FGF2: variants seen among roughly 807,000 people sequenced by gnomAD.
The protein encoded by FGF2 is basic fibroblast growth factor bFGF.
A neutral mutation model predicts 15.9 loss-of-function variants in FGF2; 13 were observed. The observed-to-expected ratio is 0.82, with a 90% CI of 0.53 to 1.30. The LOEUF (loss-of-function observed/expected upper bound fraction) is 1.30. Ranked by LOEUF, FGF2 falls within the 50% of genes most tolerant of loss-of-function variation. FGF2 has a pLI of 0.00. For missense variants in FGF2, 163 were observed against 196.9 expected (o/e 0.83, Z 1.03); for synonymous variants, 90 against 78.4 (o/e 1.15, Z -0.78).
chr4:122,884,742 G>A (rs1307445803), intron 2 of FGF2: 2 of 152,034 alleles, frequency 1.3e-5, no homozygotes, highest in Non-Finnish European at 2.9e-5. Context: ...TGGTCATAAG[G>A]TTCAAATCTA....
intron 1 of FGF2, among the ~76,000 whole-genome samples, chr4:122,866,075 GA>G (rs1365650479): frequency 1.3e-5 from 2 of 152,114 alleles, no homozygotes; most frequent in Non-Finnish European, 2.9e-5. Context: ...ACAACATCAA[GA>G]AAGTGAAAAG....
intron 2 of FGF2, among the ~76,000 whole-genome samples, chr4:122,891,031 T>G (rs28434503): frequency 0.12 from 17,278 of 138,662 alleles, 1,386 homozygotes; most frequent in Middle Eastern, 0.24. Flanking sequence ...CTTTTTTTTT[T>G]TTTTGTTTTG....
At chr4:122,845,122 T>A (rs1348745321) in intron 1 of FGF2, among the ~76,000 whole-genome samples, 1 of 152,232 alleles carries the variant, frequency 6.6e-6, no homozygotes, top group Non-Finnish European at 1.5e-5. Flanking sequence ...TACCTCTCCA[T>A]CAAAGCTCTT....
intron 1 of FGF2, among the ~76,000 whole-genome samples, chr4:122,860,612 C>A (rs968934056): frequency 6.6e-6 from 1 of 151,926 alleles, no homozygotes; most frequent in Admixed American, 6.6e-5. Flanking sequence ...TATGCCACCA[C>A]GCCTGGCTAT....
chr4:122,869,426 C>T (rs1023868421), intron 1 of FGF2, among the ~76,000 whole-genome samples: 3 of 152,144 alleles, frequency 2.0e-5, no homozygotes, highest in Non-Finnish European at 4.4e-5. Flanking sequence ...TTACTTTGGG[C>T]AGTATGTCCA....
intron 1 of FGF2, among the ~76,000 whole-genome samples, chr4:122,858,880 C>T (rs1330984271): frequency 3.9e-5 from 6 of 152,100 alleles, no homozygotes; most frequent in Admixed American, 3.9e-4. Context: ...ACTACTAAAC[C>T]TGGCTCAGTT....
At position 122,897,697 on chromosome 4, in the gene FGF2, A is replaced by C. The variant is rs752337670; in HGVS notation, c.*5301A>C. The C allele has an allele frequency of 3.8e-6, 6 of 1,558,562 alleles. No homozygotes were observed. Among genetic ancestry groups the C allele is most frequent in the Non-Finnish European group, 5.3e-6 (6 of 1,129,602 alleles). On this transcript the variant is annotated 3_prime_UTR_variant, in exon 3 of 3. Transcript: ENST00000644866. Reference sequence around the variant, plus strand: ...TTTTCAACTGCAGTATAAAGTCAGAAAATAAAGTTAACATAACTTTCACTA... The same window carrying C: ...TTTTCAACTGCAGTATAAAGTCAGACAATAAAGTTAACATAACTTTCACTA...
rs545187043 is a variant in FGF2, at chr4:122,838,164, A to G, written c.178+10812A>G. Among the ~76,000 whole-genome samples the G allele has an allele frequency of 1.1e-4, 17 of 152,314 alleles. No homozygotes were observed. The South Asian group carries it at 3.5e-3, about 32-fold the overall frequency. On this transcript the variant is annotated intron_variant, in intron 1 of 2. Transcript: ENST00000644866. The stretch of plus-strand genomic sequence containing the variant: ...TGTTAAAGGATGAGAAAAGTGAGAC[A>G]TAGATTATTTTTTGGAGGGTGGTAT...
At chr4:122,890,515 A>G (rs1727145309) in intron 2 of FGF2, among the ~76,000 whole-genome samples, 1 of 152,234 alleles carries the variant, frequency 6.6e-6, no homozygotes, top group Non-Finnish European at 1.5e-5. Context: ...TTATCTCTAG[A>G]AGATTACAGG....
At position 122,892,336 on chromosome 4, in the gene FGF2, A is replaced by G; in HGVS notation, c.408A>G (p.Gly136=). The change falls in exon 3 of 3, where the codon GGA becomes GGG. Residue 136 remains glycine, a synonymous_variant. Transcript: ENST00000644866. The part of the protein sequence containing the change: ...ALKRTGQYKL[G]SKTGPGQKAI... The stretch of plus-strand genomic sequence containing the variant: ...AACGAACTGGGCAGTATAAACTTGG[A>G]TCCAAAACAGGACCTGGGCAGAAAG... 6.2e-7 allele frequency: 1 copy of G among 1,614,194 alleles called. No homozygotes were observed. The highest frequency in any genetic ancestry group is 1.6e-4 in the Middle Eastern group (1 of 6,062).
chr4:122,891,424 CTTTT>C (rs57602061), intron 2 of FGF2, among the ~76,000 whole-genome samples: 3 of 135,244 alleles, frequency 2.2e-5, no homozygotes, highest in African/African-American at 8.1e-5. Context: ...GCCAGCTATC[CTTTT>C]TTTTTTTTTT....
At chr4:122,860,180 A>G (rs1726430947) in intron 1 of FGF2, among the ~76,000 whole-genome samples, 1 of 152,160 alleles carries the variant, frequency 6.6e-6, no homozygotes, top group Non-Finnish European at 1.5e-5. Context: ...AATTTTCTCC[A>G]TAAAAGTCCT....
At chr4:122,884,128 A>C (rs1160697007) in intron 2 of FGF2, among the ~76,000 whole-genome samples, 1 of 152,250 alleles carries the variant, frequency 6.6e-6, no homozygotes, top group Non-Finnish European at 1.5e-5. Flanking sequence ...AGGTTATTGC[A>C]TAATGAGAAT....
intron 2 of FGF2, chr4:122,884,373 A>G (rs1436940314): frequency 6.6e-6 from 1 of 152,192 alleles, no homozygotes; most frequent in Non-Finnish European, 1.5e-5. Flanking sequence ...GCACACCTGT[A>G]ATCACAGCCA....
At chr4:122,871,781 CAAAAAAA>C (rs55677162) in intron 1 of FGF2, among the ~76,000 whole-genome samples, 17 of 94,312 alleles carry the variant, frequency 1.8e-4, no homozygotes, top group African/African-American at 5.5e-4. Context: ...CATTGAAAGA[CAAAAAAA>C]AAAAAAAAAA....
rs578005756 is a variant in FGF2 at position 122,827,833 on chromosome 4, T to G, written c.178+481T>G. On this transcript the variant is annotated intron_variant, in intron 1 of 2. Coordinates refer to ENST00000644866, the MANE Select transcript of FGF2 (RefSeq NM_001361665.2). This position sits in a 1 kb window ranked among gnomAD's most constrained non-coding sequence, Gnocchi z 4.2. Reference sequence around the variant, plus strand: ...CCGACTCGGGACGACCCGAGGCATATGGCACACTACTCTCACCCACTCTGT... The same window carrying G: ...CCGACTCGGGACGACCCGAGGCATAGGGCACACTACTCTCACCCACTCTGT... Among the ~76,000 whole-genome samples the G allele has an allele frequency of 2.2e-4, 33 of 152,180 alleles. No individual in the cohort carries two copies. The highest frequency in any genetic ancestry group is 4.0e-4 in the Non-Finnish European group (27 of 68,028).
At chr4:122,828,291 A>C (rs998784391) in intron 1 of FGF2, among the ~76,000 whole-genome samples, 2 of 152,222 alleles carry the variant, frequency 1.3e-5, no homozygotes, top group Non-Finnish European at 2.9e-5. Context: ...TTTGAGAGCC[A>C]CTGGTCTAGA....
At chr4:122,844,523 C>G (rs973852765) in intron 1 of FGF2, among the ~76,000 whole-genome samples, 1 of 151,872 alleles carries the variant, frequency 6.6e-6, no homozygotes, top group Non-Finnish European at 1.5e-5. Context: ...GGTTTTCTTT[C>G]TTTCTTTTTC....
In FGF2 at chr4:122,893,876, A is replaced by G. The variant is rs1727266772; in HGVS notation, c.*1480A>G. 6.6e-6 allele frequency: 1 copy of G among 152,244 alleles called. No individual in the cohort carries two copies. The highest frequency in any genetic ancestry group is 6.5e-5 in the Admixed American group (1 of 15,290). The allele number at this position is 152,244 out of a possible 1,614,324, so 9.4% of individuals were successfully genotyped here. ...ATTGTCTCCCAAAGTATTTAGGAGA[A>G]GCCCTTTAAAAAGCTGCCTTCCTCT... On this transcript the variant is annotated 3_prime_UTR_variant, in exon 3 of 3. Coordinates refer to ENST00000644866, the MANE Select transcript of FGF2 (RefSeq NM_001361665.2).
Sources: allele counts gnomAD v4.1 joint callset (sites outside exome capture counted in the v4.1 genomes callset), GRCh38; gene constraint gnomAD v4.1.1; non-coding constraint Gnocchi (gnomAD v3.1); transcripts MANE v1.5; gene names NCBI Gene and HGNC (gene_info 2026-07-23, HGNC 2026-07-21).